STS: variants seen among roughly 807,000 people sequenced by gnomAD.
STS encodes the protein steryl-sulfatase.
In STS, 7 loss-of-function variants were observed where a neutral mutation model predicts 26.8. That is an observed-to-expected ratio of 0.26 (90% CI 0.15 to 0.49). The LOEUF is 0.49. Ranked by LOEUF, STS falls within the 20% of genes least tolerant of loss-of-function variation. The pLI is 0.98. For missense variants in STS, 434 were observed against 465.6 expected (o/e 0.93, Z 0.63); for synonymous variants, 199 against 189.4 (o/e 1.05, Z -0.42).
At chrX:7,251,447 C>A (rs1360254591) in intron 2 of STS, among the ~76,000 whole-genome samples, 2 of 111,102 alleles carry the variant, frequency 1.8e-5, no homozygotes, top group African/African-American at 6.6e-5. Context: ...GAGCTGTCTG[C>A]ATGCACCAAG....
At chrX:7,279,737 C>A (rs1178543694) in intron 7 of STS, among the ~76,000 whole-genome samples, 1 of 110,100 alleles carries the variant, frequency 9.1e-6, no homozygotes, top group African/African-American at 3.3e-5. Flanking sequence ...ACTTCACCTT[C>A]TATGGGAGAA....
intron 1 of STS, among the ~76,000 whole-genome samples, chrX:7,170,152 C>T (rs1190846584): frequency 9.0e-6 from 1 of 110,788 alleles, no homozygotes; most frequent in African/African-American, 3.3e-5. Context: ...TTGTCACCAC[C>T]CCAGAAGACA....
At chrX:7,251,393 A>G (rs1923134272) in intron 2 of STS, among the ~76,000 whole-genome samples, 1 of 111,894 alleles carries the variant, frequency 8.9e-6, no homozygotes, top group South Asian at 3.7e-4. Context: ...CTGCCACACC[A>G]TGTGCACTGG....
chrX:7,326,851 C>T (rs868601259), intron 9 of STS, among the ~76,000 whole-genome samples: 5 of 111,735 alleles, frequency 4.5e-5, no homozygotes, highest in Middle Eastern at 4.6e-3. Flanking sequence ...CCTCCCCTCC[C>T]GCTGTATTCG....
chrX:7,253,398 G>A (rs1464309526), intron 3 of STS, 62 bp downstream of exon 3: 14 of 1,186,699 alleles, frequency 1.2e-5, no homozygotes, highest in Admixed American at 2.2e-5. Context: ...TCCCCGGGAT[G>A]GTTATTGTTG....
intron 2 of STS, among the ~76,000 whole-genome samples, chrX:7,228,796 G>A (rs777844742): frequency 1.8e-5 from 2 of 112,126 alleles, no homozygotes; most frequent in South Asian, 7.4e-4. Flanking sequence ...ATCTTTTGAT[G>A]AATAGAAATA....
chrX:7,239,389 T>C lies in STS; in HGVS notation c.-4-13807T>C, dbSNP rs754099966. Among the ~76,000 whole-genome samples, 8 of 112,278 alleles carry C rather than the reference T, an allele frequency of 7.1e-5. No homozygotes were observed. The East Asian group carries it at 2.0e-3, about 27-fold the overall frequency. ...AAAATATTGTTTGTCGTGCAAGTTT[T>C]TCTCTGTTTTTAATAAGCCTTCTTC... On this transcript the variant is annotated intron_variant, in intron 2 of 10. Transcript: ENST00000674429.
At chrX:7,165,073 G>A (rs912367168) in intron 1 of STS, among the ~76,000 whole-genome samples, 2 of 109,462 alleles carry the variant, frequency 1.8e-5, no homozygotes, top group African/African-American at 6.7e-5. Flanking sequence ...TCCTTATTTG[G>A]TTTGTTAAAA....
chrX:7,154,264 G>C (rs1425539273), intron 1 of STS, among the ~76,000 whole-genome samples: 1 of 112,179 alleles, frequency 8.9e-6, no homozygotes, highest in Non-Finnish European at 1.9e-5. Context: ...CTCTGCTTCT[G>C]AATAAACCAC....
intron 1 of STS, among the ~76,000 whole-genome samples, chrX:7,171,600 C>T (rs920930049): frequency 4.5e-5 from 5 of 111,788 alleles, no homozygotes; most frequent in African/African-American, 9.8e-5. Context: ...TGCACCCAGC[C>T]GATAAATGAT....
intron 2 of STS, among the ~76,000 whole-genome samples, chrX:7,245,894 T>C (rs1428738031): frequency 1.8e-5 from 2 of 112,115 alleles, no homozygotes; most frequent in Non-Finnish European, 3.8e-5. Flanking sequence ...CACTCCAATA[T>C]GAGGTCCATT....
intron 2 of STS, among the ~76,000 whole-genome samples, chrX:7,195,487 C>G (rs1246388139): frequency 8.9e-6 from 1 of 112,286 alleles, no homozygotes; most frequent in Non-Finnish European, 1.9e-5. Flanking sequence ...TTTTTCTCGG[C>G]AAGCACACCC....
At chrX:7,324,494 G>C (rs188163465) in intron 8 of STS, among the ~76,000 whole-genome samples, 107 of 112,115 alleles carry the variant, frequency 9.5e-4, no homozygotes, top group African/African-American at 1.8e-3. Context: ...AGACAGCTTT[G>C]TGGGGCTATT....
intron 3 of STS, among the ~76,000 whole-genome samples, chrX:7,255,155 AT>A (rs1404245727): frequency 8.9e-6 from 1 of 112,171 alleles, no homozygotes. Context: ...GTTGCTTTTT[AT>A]TTTTTTAAGA....
chrX:7,257,824 G>C (rs1013130397), intron 5 of STS, among the ~76,000 whole-genome samples: 20 of 89,011 alleles, frequency 2.2e-4, no homozygotes, highest in Non-Finnish European at 4.6e-4. Context: ...TGTGTGTTGT[G>C]TGTTTGTGTG....
At chrX:7,210,155 G>A (rs1398165539) in intron 2 of STS, among the ~76,000 whole-genome samples, 1 of 111,079 alleles carries the variant, frequency 9.0e-6, no homozygotes, top group Non-Finnish European at 1.9e-5. Flanking sequence ...TGGGATTACT[G>A]GGTCAAATCG....
At chrX:7,151,053 C>A (rs1258358733) in intron 1 of STS, among the ~76,000 whole-genome samples, 2 of 112,447 alleles carry the variant, frequency 1.8e-5, no homozygotes, top group African/African-American at 6.5e-5. Flanking sequence ...AGCACATTAT[C>A]AATGGGACAA....
chrX:7,160,988 A>G (rs936520322), intron 1 of STS, among the ~76,000 whole-genome samples: 3 of 111,190 alleles, frequency 2.7e-5, no homozygotes, highest in Non-Finnish European at 5.7e-5. Flanking sequence ...TGGAGTCTCG[A>G]CCTGTCTCCC....
chrX:7,300,303 A>G (rs1245702739), intron 7 of STS, among the ~76,000 whole-genome samples: 1 of 112,319 alleles, frequency 8.9e-6, no homozygotes, highest in Non-Finnish European at 1.9e-5. Flanking sequence ...TTTACAAGCT[A>G]TAATGCAGCT....
Sources: gnomAD v4.1 joint callset for allele counts (sites outside exome capture counted in the v4.1 genomes callset) on GRCh38, gnomAD v4.1.1 for gene constraint, MANE v1.5 for transcripts, NCBI Gene and HGNC (gene_info 2026-07-23, HGNC 2026-07-21) for gene names.